The following CD320 variants were observed in gnomAD, a reference collection of about 807,000 sequenced individuals.
The protein encoded by CD320 is CD320 antigen.
A neutral mutation model predicts 22.1 loss-of-function variants in CD320; 16 were observed. The ratio of observed to expected loss-of-function variants is 0.73; its 90% confidence interval spans 0.49 to 1.10. The LOEUF (loss-of-function observed/expected upper bound fraction) is 1.10, where lower values mean the gene tolerates loss of function less well. CD320 is among the 50% of genes least tolerant of loss of function. The pLI is 0.00. For missense variants in CD320, 388 were observed against 376.9 expected (o/e 1.03, Z -0.24); for synonymous variants, 188 against 167.8 (o/e 1.12, Z -0.93).
At chr19:8,306,969 G>C (rs1447487913) in intron 1 of CD320, among the ~76,000 whole-genome samples, 1 of 152,102 alleles carries the variant, frequency 6.6e-6, no homozygotes, top group Non-Finnish European at 1.5e-5. Flanking sequence ...CTGTAAACGG[G>C]GTATGCTGGG....
rs201828443 is a variant in CD320 at position 8,303,880 on chromosome 19, G to A, written c.477C>T (p.Pro159=). 32 of 1,604,412 alleles carry A rather than the reference G, an allele frequency of 2.0e-5. No individual in the cohort carries two copies. The East Asian group carries it at 3.4e-4, about 17-fold the overall frequency. Residue 159 remains proline, a synonymous_variant, in exon 3 of 5, where the codon CCC becomes CCT. Coordinates refer to ENST00000301458, the MANE Select transcript of CD320 (RefSeq NM_016579.4). Reference sequence around the variant, plus strand: ...CACAGCCGAGCTCGTCGCTGGAGTCGGGACAGTCTGGGTGGCCGTCGCAGC... The same window carrying A: ...CACAGCCGAGCTCGTCGCTGGAGTCAGGACAGTCTGGGTGGCCGTCGCAGC... ...TWRCDGHPDC[P]DSSDELGCGT... is the part of the protein sequence containing the mutation.
At chr19:8,302,670 C>T (rs1970026549) in intron 4 of CD320, 65 bp from the exon 5 acceptor site, 1 of 1,607,316 alleles carries the variant, frequency 6.2e-7, no homozygotes, top group East Asian at 2.2e-5. Flanking sequence ...ACCCACCAAG[C>T]TCCATACACA....
chr19:8,302,988 A>T lies in CD320; in HGVS notation c.503-8T>A. 1 of 1,613,292 alleles carries T rather than the reference A, an allele frequency of 6.2e-7. No individual in the cohort carries two copies. The highest frequency in any genetic ancestry group is 8.5e-7 in the Non-Finnish European group (1 of 1,179,476). On this transcript the variant is annotated splice_region_variant and splice_polypyrimidine_tract_variant and intron_variant, in intron 3 of 4. Coordinates refer to ENST00000301458, the MANE Select transcript of CD320 (RefSeq NM_016579.4). Reference sequence around the variant, plus strand: ...GGAGGATCTCATTGGTTCCTGCAATAAGCCCAGGCGTTCAGTAGTTGAGGA... The same window carrying T: ...GGAGGATCTCATTGGTTCCTGCAATTAGCCCAGGCGTTCAGTAGTTGAGGA...
chr19:8,307,053 A>C (rs192305088), intron 1 of CD320, among the ~76,000 whole-genome samples: 2 of 145,410 alleles, frequency 1.4e-5, no homozygotes, highest in East Asian at 4.0e-4. Flanking sequence ...GCACTTTGGG[A>C]GGCTGAGGCG....
rs758485696 is a variant in CD320 at position 8,303,901 on chromosome 19, G to C, written c.456C>G (p.Cys152Trp). 6.2e-7 allele frequency: 1 copy of C among 1,605,756 alleles called. No homozygotes were observed. The highest frequency in any genetic ancestry group is 8.5e-7 in the Non-Finnish European group (1 of 1,176,654). The change falls in exon 3 of 5, where the codon TGC becomes TGG. Residue 152 changes from cysteine (C) to tryptophan (W), a missense_variant. Transcript: ENST00000301458. Reference protein sequence around the residue: ...SDDCIPLTWRCDGHPDCPDSS... With the variant: ...SDDCIPLTWRWDGHPDCPDSS... ...AGTCGGGACAGTCTGGGTGGCCGTC[G>C]CAGCGCCACGTGAGTGGAATGCAGT...
chr19:8,306,182 T>C (rs1970086256), intron 1 of CD320, among the ~76,000 whole-genome samples: 1 of 152,194 alleles, frequency 6.6e-6, no homozygotes. Context: ...GCTGATTTCC[T>C]GGGAGGGTTC....
At position 8,302,560 on chromosome 19, in the gene CD320, G is replaced by A. The variant is rs780585356; in HGVS notation, c.752C>T (p.Ser251Phe). Residue 251 changes from serine to phenylalanine, a missense_variant, in exon 5 of 5, where the codon TCC (serine) becomes TTC (phenylalanine). Physicochemically the swap from Ser to Phe is radical, Grantham distance 155. Coordinates refer to ENST00000301458, the MANE Select transcript of CD320 (RefSeq NM_016579.4). ...SLVTATLLLLSWLRAQERLRP... is the reference protein window; with the variant it reads ...SLVTATLLLLFWLRAQERLRP... ...GAGGCGCTCCTGGGCTCGGAGCCAG[G>A]ACAAAAGGAGGAGGGTGGCGGTGAC... 4.3e-6 allele frequency: 7 copies of A among 1,613,882 alleles called. No homozygotes were observed. In the African/African-American group the frequency reaches 5.3e-5, roughly 12 times the overall value.
At position 8,302,203 on chromosome 19, in the gene CD320, C is replaced by A. The variant is rs1218515163; in HGVS notation, c.*260G>T. On this transcript the variant is annotated 3_prime_UTR_variant, in exon 5 of 5. Transcript: ENST00000301458. ...TCTTAAGCACAGGGCCGTTCTACCC[C>A]CTGGGAGCTGCCTGGGGCCAGCCCC... The A allele has an allele frequency of 1.2e-5, 8 of 662,120 alleles. No individual in the cohort carries two copies. Among genetic ancestry groups the A allele is most frequent in the East Asian group, 2.9e-5 (1 of 33,974 alleles). 41.0% of individuals were successfully genotyped at this position (662,120 alleles called of 1,614,324 possible).
rs543760320 is a variant in CD320 at position 8,302,357 on chromosome 19, C to T, written c.*106G>A. 320 of 1,427,526 alleles carry T rather than the reference C, an allele frequency of 2.2e-4. No homozygotes were observed. In the African/African-American group the frequency reaches 3.8e-3, roughly 17 times the overall value. The allele number at this position is 1,427,526 out of a possible 1,614,324, so 88.4% of individuals were successfully genotyped here. ...TCGAGGTTCCACGTGGCCAGAAGAGCTCAGGTCTCTGAGGGCTGGTGTGCC... is the reference window on the plus strand; with the variant it reads ...TCGAGGTTCCACGTGGCCAGAAGAGTTCAGGTCTCTGAGGGCTGGTGTGCC... On this transcript the variant is annotated 3_prime_UTR_variant, in exon 5 of 5. Coordinates refer to ENST00000301458, the MANE Select transcript of CD320 (RefSeq NM_016579.4).
rs1021452824 is a variant in CD320, at chr19:8,307,412, T to C, written c.142+737A>G. Among the ~76,000 whole-genome samples the C allele has an allele frequency of 3.5e-4, 53 of 151,582 alleles. 1 individual carries two copies. Among genetic ancestry groups the C allele is most frequent in the Admixed American group, 3.2e-3 (49 of 15,200 alleles). On this transcript the variant is annotated intron_variant, in intron 1 of 4. Coordinates refer to ENST00000301458, the MANE Select transcript of CD320 (RefSeq NM_016579.4). ...GGACTTTGGGATGAGTCCAGGGACC[T>C]AGAAGTGCGGAATGCACAAAGGAGC...
intron 3 of CD320, among the ~76,000 whole-genome samples, 176 bp downstream of exon 3, chr19:8,303,679 T>G (rs981472972): frequency 2.0e-5 from 3 of 152,110 alleles, no homozygotes; most frequent in Non-Finnish European, 4.4e-5. Flanking sequence ...CCTCCCAAAG[T>G]GCTGGGATTA....
rs890337953 is a variant in CD320, at chr19:8,308,102, C to G, written c.142+47G>C. ...GCGTTGTCGGTGCGCGGCGGCGGGG[C>G]GAAGCCTCGCGAGGGGTGGGAGCCC... On this transcript the variant is annotated intron_variant, in intron 1 of 4. Coordinates refer to ENST00000301458, the MANE Select transcript of CD320 (RefSeq NM_016579.4). 1.7e-5 allele frequency: 25 copies of G among 1,428,826 alleles called. No individual in the cohort carries two copies. The African/African-American group carries it at 2.9e-4, about 16-fold the overall frequency. 88.5% of individuals were successfully genotyped at this position (1,428,826 alleles called of 1,614,324 possible). A position where few individuals can be genotyped will look rare whatever the true frequency, so the allele number is the denominator to read the frequency against.
At chr19:8,303,753 CG>C (rs1236298398) in intron 3 of CD320, 101 bp downstream of exon 3, 3 of 788,042 alleles carry the variant, frequency 3.8e-6, no homozygotes, top group African/African-American at 1.7e-5. Context: ...GATGCAGGCA[CG>C]GGCAAAGGCA....
At position 8,302,445 on chromosome 19, in the gene CD320, GGT is replaced by G; in HGVS notation, c.*16_*17del. On this transcript the variant is annotated 3_prime_UTR_variant, in exon 5 of 5. Coordinates refer to ENST00000301458, the MANE Select transcript of CD320 (RefSeq NM_016579.4). ...GCTACGCCCAGGGCTGAGTGACGGT[GGT>G]GGCAAGTGCTTGTCCTCAGGGCAGC... The G allele has an allele frequency of 6.2e-7, 1 of 1,614,062 alleles. No individual in the cohort carries two copies. Among genetic ancestry groups the G allele is most frequent in the Non-Finnish European group, 8.5e-7 (1 of 1,179,988 alleles).
Position 8,303,835 on chromosome 19 carries a change from C to A in CD320, c.502+20G>T. ...GTCCCCATCTACCCACGAGTCCACC[C>A]CAGCCCCGCAGGTGCATACCACAGC... On this transcript the variant is annotated intron_variant, in intron 3 of 4. Coordinates refer to ENST00000301458, the MANE Select transcript of CD320 (RefSeq NM_016579.4). The A allele has an allele frequency of 6.5e-7, 1 of 1,542,318 alleles. No homozygotes were observed. Among genetic ancestry groups the A allele is most frequent in the Non-Finnish European group, 8.8e-7 (1 of 1,134,776 alleles).
At chr19:8,304,651 C>A in intron 2 of CD320, 1 of 253,216 alleles carries the variant, frequency 3.9e-6, no homozygotes, top group Non-Finnish European at 7.9e-6. Flanking sequence ...CTCCCTCCCT[C>A]TCTCTTTCCT....
chr19:8,307,461 C>T (rs1475127686), intron 1 of CD320, among the ~76,000 whole-genome samples: 4 of 152,036 alleles, frequency 2.6e-5, no homozygotes, highest in African/African-American at 9.7e-5. Flanking sequence ...GAGCCTGAGC[C>T]CAGGGCTGCA....
Position 8,304,913 on chromosome 19 carries a change from G to T in CD320, c.268+118C>A, listed in dbSNP as rs539271848. On this transcript the variant is annotated intron_variant, in intron 2 of 4. Transcript: ENST00000301458. ...TTCTTATGACCCACAGACCCAAGTC[G>T]CACCCATCCCTGCGGCCCTGCCTTT... 22 of 1,226,600 alleles carry T rather than the reference G, an allele frequency of 1.8e-5. No homozygotes were observed. In the Admixed American group the frequency reaches 3.3e-4, roughly 18 times the overall value. The allele number at this position is 1,226,600 out of a possible 1,614,324, so 76.0% of individuals were successfully genotyped here. A position where few individuals can be genotyped will look rare whatever the true frequency, so the allele number is the denominator to read the frequency against.
At chr19:8,305,222 G>A in intron 1 of CD320, 66 bp from the exon 2 acceptor site, 1 of 1,537,652 alleles carries the variant, frequency 6.5e-7, no homozygotes, top group Non-Finnish European at 8.8e-7. Context: ...GAGCACAGTA[G>A]TCACTGGCTG....
Sources: allele counts gnomAD v4.1 joint callset (sites outside exome capture counted in the v4.1 genomes callset), GRCh38; gene constraint gnomAD v4.1.1; transcripts MANE v1.5; gene names NCBI Gene and HGNC (gene_info 2026-07-23, HGNC 2026-07-21).